FLACC1: variants seen among roughly 807,000 people sequenced by gnomAD.
FLACC1 encodes flagellum associated containing coiled-coil domains 1, also known as flagellum-associated coiled-coil domain-containing protein 1.
FLACC1 carries 66 observed loss-of-function variants against 62.8 expected under a neutral mutation model. The observed-to-expected ratio is 1.05, with a 90% CI of 0.86 to 1.29. The LOEUF is 1.29. FLACC1 is among the 50% of genes most tolerant of loss of function. FLACC1 has a pLI of 0.00. For missense variants in FLACC1, 452 were observed against 489.1 expected (o/e 0.92, Z 0.71); for synonymous variants, 156 against 161.0 (o/e 0.97, Z 0.24).
At chr2:201,323,659 T>A (rs1950445761) in intron 9 of FLACC1, among the ~76,000 whole-genome samples, 1 of 151,860 alleles carries the variant, frequency 6.6e-6, no homozygotes, top group South Asian at 2.1e-4. Flanking sequence ...TGATTGTGCA[T>A]GCTTGTAATC....
At chr2:201,338,705 T>A (rs887158737) in intron 7 of FLACC1, among the ~76,000 whole-genome samples, 1 of 152,146 alleles carries the variant, frequency 6.6e-6, no homozygotes, top group Non-Finnish European at 1.5e-5. Flanking sequence ...ATGTTATATA[T>A]CATGTTTATT....
At chr2:201,304,806 A>T (rs1950066877) in intron 11 of FLACC1, among the ~76,000 whole-genome samples, 1 of 152,222 alleles carries the variant, frequency 6.6e-6, no homozygotes, top group African/African-American at 2.4e-5. Context: ...GATCTTTGAC[A>T]AACCTGACAA....
chr2:201,361,867 C>A (rs991241789), upstream of FLACC1, among the ~76,000 whole-genome samples: 1 of 152,190 alleles, frequency 6.6e-6, no homozygotes. Flanking sequence ...TTTTCATCAT[C>A]TCATAACACC....
chr2:201,335,799 C>T (rs1361671369), intron 7 of FLACC1, among the ~76,000 whole-genome samples: 1 of 152,122 alleles, frequency 6.6e-6, no homozygotes. Flanking sequence ...TTCTTCCAAT[C>T]CATGAACATG....
At chr2:201,300,304 G>A (rs905233349) in intron 11 of FLACC1, among the ~76,000 whole-genome samples, 1 of 152,148 alleles carries the variant, frequency 6.6e-6, no homozygotes, top group Non-Finnish European at 1.5e-5. Context: ...AGGGTCCCAC[G>A]CCCACGGAGC....
chr2:201,340,733 C>T (rs757235753), intron 7 of FLACC1, among the ~76,000 whole-genome samples: 17 of 152,148 alleles, frequency 1.1e-4, no homozygotes, highest in Non-Finnish European at 2.5e-4. Flanking sequence ...TCATATGTTT[C>T]ATGTTATTAG....
intron 9 of FLACC1, among the ~76,000 whole-genome samples, chr2:201,328,537 C>A (rs574117297): frequency 6.6e-6 from 1 of 152,090 alleles, no homozygotes; most frequent in African/African-American, 2.4e-5. Context: ...GCGATTCTCC[C>A]GCCTCAGTTT....
chr2:201,309,508 T>G (rs1215496121), intron 9 of FLACC1, among the ~76,000 whole-genome samples: 1 of 152,122 alleles, frequency 6.6e-6, no homozygotes, highest in Non-Finnish European at 1.5e-5. Flanking sequence ...CTATGCACAG[T>G]GTTTGCCCCA....
chr2:201,354,421 C>T (rs1164589005), intron 1 of FLACC1, among the ~76,000 whole-genome samples: 1 of 152,128 alleles, frequency 6.6e-6, no homozygotes, highest in Non-Finnish European at 1.5e-5. Flanking sequence ...AGGGAGTCTT[C>T]TGCAATAGAG....
At chr2:201,351,146 T>C in intron 2 of FLACC1, 146 bp downstream of exon 2, 1 of 718,178 alleles carries the variant, frequency 1.4e-6, no homozygotes, top group African/African-American at 1.8e-5. Flanking sequence ...GCCAACCAGC[T>C]GGCAGGGAAG....
At chr2:201,356,290 A>G (rs1264371735) in intron 1 of FLACC1, among the ~76,000 whole-genome samples, 2 of 152,062 alleles carry the variant, frequency 1.3e-5, no homozygotes, top group Admixed American at 1.3e-4. Context: ...CTTCCCCAGT[A>G]GCTGGAATTA....
intron 2 of FLACC1, 39 bp from the exon 3 acceptor site, chr2:201,350,821 GA>G: frequency 6.4e-7 from 1 of 1,563,312 alleles, no homozygotes; most frequent in Non-Finnish European, 8.8e-7. Context: ...AAGAACATTG[GA>G]AATTCGGAAA....
At chr2:201,305,942 G>C (rs541313085) in intron 11 of FLACC1, among the ~76,000 whole-genome samples, 1 of 144,776 alleles carries the variant, frequency 6.9e-6, no homozygotes, top group Non-Finnish European at 1.5e-5. Context: ...TGTGGGGTGG[G>C]GGGAGGGGGG....
intron 9 of FLACC1, among the ~76,000 whole-genome samples, chr2:201,323,685 G>A (rs965600576): frequency 1.3e-5 from 2 of 149,554 alleles, no homozygotes; most frequent in African/African-American, 4.9e-5. Flanking sequence ...TACTTGGGAG[G>A]CTGAGGCATG....
Position 201,346,507 on chromosome 2 carries a change from C to A in FLACC1, c.368+35G>T. On this transcript the variant is annotated intron_variant, in intron 5 of 14. Coordinates refer to ENST00000392257, the MANE Select transcript of FLACC1 (RefSeq NM_001127391.3). This position sits in a 1 kb window ranked among gnomAD's most constrained non-coding sequence, Gnocchi z 4.0. The stretch of plus-strand genomic sequence containing the variant: ...GCCGGGCTGAGCTGGGTGGGAGTAG[C>A]CCCAAGCAGCTGCATGTTGCTGCAA... The A allele has an allele frequency of 8.7e-6, 14 of 1,609,460 alleles. No individual in the cohort carries two copies. The highest frequency in any genetic ancestry group is 1.1e-5 in the Non-Finnish European group (13 of 1,179,434).
upstream of FLACC1, among the ~76,000 whole-genome samples, chr2:201,360,739 T>A (rs1394596471): frequency 6.6e-6 from 1 of 152,214 alleles, no homozygotes; most frequent in Non-Finnish European, 1.5e-5. Context: ...TTTAGAGGGC[T>A]CTGCATAGGA....
intron 7 of FLACC1, among the ~76,000 whole-genome samples, chr2:201,339,409 G>GTAA (rs1950761631): frequency 6.6e-6 from 1 of 151,490 alleles, no homozygotes; most frequent in Admixed American, 6.6e-5. Context: ...TTTCTATTTC[G>GTAA]TTTAGTTCTG....
In FLACC1 at chr2:201,346,777, T is replaced by TG; in HGVS notation, c.235-103dup. Reference sequence around the variant, plus strand: ...CACTCACATCTTAAAAACAGGGACCTGGGACTCCACAGCCCAAGCCCTTCT... The same window carrying TG: ...CACTCACATCTTAAAAACAGGGACCTGGGGACTCCACAGCCCAAGCCCTTCT... On this transcript the variant is annotated intron_variant, in intron 4 of 14. Transcript: ENST00000392257. The surrounding 1 kb of genome is among the most constrained non-coding windows in gnomAD (Gnocchi z 4.0). 1 of 1,461,012 alleles carries TG rather than the reference T, an allele frequency of 6.8e-7. No homozygotes were observed. The highest frequency in any genetic ancestry group is 9.4e-7 in the Non-Finnish European group (1 of 1,067,138). 90.5% of individuals were successfully genotyped at this position (1,461,012 alleles called of 1,614,324 possible).
chr2:201,297,620 TTTAC>T (rs550060183), intron 12 of FLACC1, among the ~76,000 whole-genome samples: 58 of 152,296 alleles, frequency 3.8e-4, no homozygotes, highest in African/African-American at 1.4e-3. Context: ...CAACTCGGAA[TTTAC>T]TTGTGATTTT....
Sources: gnomAD v4.1 joint callset for allele counts (sites outside exome capture counted in the v4.1 genomes callset) on GRCh38, gnomAD v4.1.1 for gene constraint, Gnocchi (gnomAD v3.1) non-coding constraint, MANE v1.5 for transcripts, NCBI Gene and HGNC (gene_info 2026-07-23, HGNC 2026-07-21) for gene names.